FGF12: variants seen among roughly 807,000 people sequenced by gnomAD.
FGF12 encodes the protein fibroblast growth factor 12B.
FGF12 carries 14 observed loss-of-function variants against 23.6 expected under a neutral mutation model. That is an observed-to-expected ratio of 0.59 (90% confidence interval 0.39 to 0.93). The LOEUF (loss-of-function observed/expected upper bound fraction) is 0.93, where lower values mean the gene tolerates loss of function less well. Among genes scored for constraint, FGF12 ranks in the 40% least tolerant of loss-of-function variants. FGF12 has a pLI of 0.00. For missense variants in FGF12, 175 were observed against 217.8 expected, an observed-to-expected ratio of 0.80 and a Z score of 1.24; for synonymous variants, 62 against 77.3, an observed-to-expected ratio of 0.80 and a Z score of 1.04.
chr3:192,475,819 G>A (rs1723300982), intron 2 of FGF12, among the ~76,000 whole-genome samples: 1 of 152,144 alleles, frequency 6.6e-6, no homozygotes, highest in Admixed American at 6.5e-5. Context: ...CGACCTAATA[G>A]TCAGAAAATT....
intron 3 of FGF12, among the ~76,000 whole-genome samples, chr3:192,345,405 A>AAAATTCTAAT (rs1717906201): frequency 0.047 from 5,335 of 112,990 alleles, 1,570 homozygotes; most frequent in East Asian, 0.13. Context: ...GATATAACAT[A>AAAATTCTAAT]GGCCGGGCGC....
chr3:192,388,084 C>T (rs975584033), intron 2 of FGF12, among the ~76,000 whole-genome samples: 12 of 151,852 alleles, frequency 7.9e-5, no homozygotes, highest in Non-Finnish European at 1.8e-4. Flanking sequence ...CATAAAGACA[C>T]CCCCATCTGT....
At chr3:192,329,130 C>T (rs904656922) in intron 4 of FGF12, among the ~76,000 whole-genome samples, 2 of 152,102 alleles carry the variant, frequency 1.3e-5, no homozygotes, top group African/African-American at 4.8e-5. Context: ...AAATATGTGG[C>T]CCAGATGGCC....
chr3:192,531,052 T>C (rs1725075559), intron 2 of FGF12, among the ~76,000 whole-genome samples: 1 of 152,224 alleles, frequency 6.6e-6, no homozygotes, highest in Non-Finnish European at 1.5e-5. Flanking sequence ...CCTCAGGTGA[T>C]GCACCCACCT....
chr3:192,288,678 G>T (rs1274285458), intron 4 of FGF12, among the ~76,000 whole-genome samples: 1 of 152,018 alleles, frequency 6.6e-6, no homozygotes, highest in African/African-American at 2.4e-5. Context: ...AAGCAATGGA[G>T]CTCAAACTAA....
intron 2 of FGF12, among the ~76,000 whole-genome samples, chr3:192,642,671 A>C (rs969717676): frequency 3.3e-5 from 5 of 152,234 alleles, no homozygotes; most frequent in African/African-American, 9.6e-5. Context: ...ACCAGTAAGA[A>C]TTGCCTCTCT....
chr3:192,311,905 T>C (rs1487101443), intron 4 of FGF12, among the ~76,000 whole-genome samples: 1 of 151,242 alleles, frequency 6.6e-6, no homozygotes, highest in Non-Finnish European at 1.5e-5. Flanking sequence ...TTGAGTACAT[T>C]TCACATTGCT....
chr3:192,394,154 G>A (rs182621050), intron 2 of FGF12, among the ~76,000 whole-genome samples: 110 of 147,930 alleles, frequency 7.4e-4, no homozygotes, highest in Non-Finnish European at 1.3e-3. Context: ...TATTATCTTC[G>A]AGACTACACT....
At chr3:192,605,153 C>T (rs7636543) in intron 2 of FGF12, among the ~76,000 whole-genome samples, 22,858 of 151,794 alleles carry the variant, frequency 0.15, 1,721 homozygotes, top group Middle Eastern at 0.2. Context: ...TCGAGATAGG[C>T]GGATCATCAG....
intron 4 of FGF12, among the ~76,000 whole-genome samples, chr3:192,210,371 GA>G (rs137865697): frequency 2.0e-5 from 3 of 151,934 alleles, no homozygotes; most frequent in South Asian, 2.1e-4. Flanking sequence ...GGCTATGGGA[GA>G]AAAAAAATAC....
intron 2 of FGF12, among the ~76,000 whole-genome samples, chr3:192,687,428 G>A (rs1311036609): frequency 6.6e-6 from 1 of 152,134 alleles, no homozygotes; most frequent in Non-Finnish European, 1.5e-5. Flanking sequence ...TAAGACCCAG[G>A]CAGAACTTTG....
chr3:192,259,908 C>T (rs1051121753), intron 4 of FGF12, among the ~76,000 whole-genome samples: 10 of 151,926 alleles, frequency 6.6e-5, no homozygotes, highest in Non-Finnish European at 1.3e-4. Flanking sequence ...TAGCTGATCT[C>T]GTAGGTGGGA....
chr3:192,643,259 A>G (rs1324062105), intron 2 of FGF12, among the ~76,000 whole-genome samples: 1 of 124,222 alleles, frequency 8.1e-6, no homozygotes, highest in Non-Finnish European at 1.8e-5. Flanking sequence ...AGCTAGTTAG[A>G]ATATCACTAA....
chr3:192,171,717 G>A (rs1169686568), intron 4 of FGF12, among the ~76,000 whole-genome samples: 1 of 152,104 alleles, frequency 6.6e-6, no homozygotes, highest in Admixed American at 6.6e-5. Flanking sequence ...TCCTCTCCAT[G>A]AACTGGAAGA....
At chr3:192,161,103 TCTAG>T (rs1553844693) in intron 5 of FGF12, among the ~76,000 whole-genome samples, 1 of 151,798 alleles carries the variant, frequency 6.6e-6, no homozygotes, top group Non-Finnish European at 1.5e-5. Flanking sequence ...CATTATAGAG[TCTAG>T]AAAGGAAAGA....
At chr3:192,273,934 C>G (rs925074220) in intron 4 of FGF12, among the ~76,000 whole-genome samples, 1 of 149,826 alleles carries the variant, frequency 6.7e-6, no homozygotes, top group African/African-American at 2.5e-5. Flanking sequence ...GAACTGAAAA[C>G]AGTGAAAAAT....
intron 2 of FGF12, among the ~76,000 whole-genome samples, chr3:192,451,898 G>A (rs763330128): frequency 1.4e-4 from 22 of 152,176 alleles, no homozygotes; most frequent in Non-Finnish European, 2.5e-4. Context: ...GTGTCTCCTG[G>A]TGATGCGTAA....
chr3:192,201,654 ACT>A (rs144613346), intron 4 of FGF12, among the ~76,000 whole-genome samples: 3,130 of 152,182 alleles, frequency 0.021, 119 homozygotes, highest in African/African-American at 0.071. Context: ...AACTGTGGAA[ACT>A]CTATTAGCCT....
intron 2 of FGF12, among the ~76,000 whole-genome samples, chr3:192,614,104 G>A (rs1466495465): frequency 6.6e-6 from 1 of 151,848 alleles, no homozygotes; most frequent in East Asian, 1.9e-4. Context: ...GGAGTATGAG[G>A]GGTGAAAACG....
Sources: allele counts gnomAD v4.1 joint callset (sites outside exome capture counted in the v4.1 genomes callset), GRCh38; gene constraint gnomAD v4.1.1; transcripts MANE v1.5; gene names NCBI Gene and HGNC (gene_info 2026-07-23, HGNC 2026-07-21).